The following DEFB4B variants were observed in gnomAD, a reference collection of about 807,000 sequenced individuals.
DEFB4B encodes beta-defensin 4B.
At chr8:7,416,311 C>A (rs1231517409) in intron 1 of DEFB4B, among the ~76,000 whole-genome samples, 2 of 151,714 alleles carry the variant, frequency 1.3e-5, no homozygotes, top group Non-Finnish European at 2.9e-5. Flanking sequence ...AAAATTTCTG[C>A]CTTTTATTTA....
intron 1 of DEFB4B, among the ~76,000 whole-genome samples, chr8:7,415,909 T>C (rs1319909987): frequency 6.8e-6 from 1 of 147,840 alleles, no homozygotes; most frequent in Non-Finnish European, 1.5e-5. Flanking sequence ...TTTCACAAGA[T>C]GATATCTATT....
At chr8:7,415,794 T>C (rs1211541302) in intron 1 of DEFB4B, among the ~76,000 whole-genome samples, 3 of 145,112 alleles carry the variant, frequency 2.1e-5, no homozygotes, top group Non-Finnish European at 4.5e-5. Context: ...CCTTCCTTCA[T>C]TATACTGTTC....
At chr8:7,416,310 G>A (rs1174581363) in intron 1 of DEFB4B, among the ~76,000 whole-genome samples, 1 of 151,670 alleles carries the variant, frequency 6.6e-6, no homozygotes, top group East Asian at 1.9e-4. Flanking sequence ...CAAAATTTCT[G>A]CCTTTTATTT....
intron 1 of DEFB4B, among the ~76,000 whole-genome samples, chr8:7,416,377 G>A (rs1808860928): frequency 6.6e-6 from 1 of 151,772 alleles, no homozygotes; most frequent in South Asian, 2.1e-4. Flanking sequence ...ATGGAAAGCA[G>A]TGAAGAGATG....
intron 1 of DEFB4B, among the ~76,000 whole-genome samples, chr8:7,416,557 A>G (rs1808875703): frequency 1.3e-5 from 2 of 150,562 alleles, no homozygotes; most frequent in Admixed American, 6.7e-5. Flanking sequence ...AAAGAAAGAC[A>G]TGCTCTAGGG....
chr8:7,416,592 AAAAG>A (rs1381636549), intron 1 of DEFB4B, among the ~76,000 whole-genome samples, 174 bp downstream of exon 1: 1 of 149,266 alleles, frequency 6.7e-6, no homozygotes, highest in African/African-American at 2.5e-5. Context: ...AAGACAGAAA[AAAAG>A]AGAGAGAGGG....
chr8:7,416,398 G>A (rs1447121164), intron 1 of DEFB4B, among the ~76,000 whole-genome samples: 1 of 151,800 alleles, frequency 6.6e-6, no homozygotes, highest in Non-Finnish European at 1.5e-5. Flanking sequence ...ATATTTACAA[G>A]CTACTGGGCT....
intron 1 of DEFB4B, among the ~76,000 whole-genome samples, 170 bp downstream of exon 1, chr8:7,416,600 G>T (rs1340507700): frequency 6.7e-6 from 1 of 148,728 alleles, no homozygotes; most frequent in Non-Finnish European, 1.5e-5. Context: ...AAAAAAGAGA[G>T]AGAGGGAAGA....
chr8:7,415,548 T>C (rs1808801729), intron 1 of DEFB4B, among the ~76,000 whole-genome samples: 1 of 151,678 alleles, frequency 6.6e-6, no homozygotes, highest in East Asian at 1.9e-4. Flanking sequence ...GATAAAAAGA[T>C]GCAACTTACT....
At chr8:7,415,536 G>A (rs1808800935) in intron 1 of DEFB4B, among the ~76,000 whole-genome samples, 1 of 151,396 alleles carries the variant, frequency 6.6e-6, no homozygotes, top group African/African-American at 2.4e-5. Context: ...GATCTGAGAT[G>A]GGATAAAAAG....
intron 1 of DEFB4B, among the ~76,000 whole-genome samples, chr8:7,416,277 A>G (rs1277427035): frequency 4.6e-5 from 7 of 151,704 alleles, no homozygotes; most frequent in African/African-American, 1.2e-4. Flanking sequence ...ATGACATTCT[A>G]TACTACTTTC....
chr8:7,415,709 C>CTCCCTCCCTCCCTCCT (rs1239174020), intron 1 of DEFB4B, among the ~76,000 whole-genome samples: 1 of 123,688 alleles, frequency 8.1e-6, no homozygotes, highest in Admixed American at 8.6e-5. Flanking sequence ...CCCTCCCTCC[C>CTCCCTCCCTCCCTCCT]TCCCTCCCTC....
intron 1 of DEFB4B, 101 bp downstream of exon 1, chr8:7,416,669 G>T (rs1480820928): frequency 2.6e-6 from 1 of 382,588 alleles, no homozygotes; most frequent in South Asian, 2.5e-5. Context: ...AGGAGAGAGA[G>T]GGATGAGGGA....
At chr8:7,416,665 G>T (rs1187819334) in intron 1 of DEFB4B, 105 bp downstream of exon 1, 1 of 372,422 alleles carries the variant, frequency 2.7e-6, no homozygotes, top group East Asian at 8.1e-5. Flanking sequence ...AGGAAGGAGA[G>T]AGAGGGATGA....
At chr8:7,415,712 C>CTTCT (rs1351533771) in intron 1 of DEFB4B, among the ~76,000 whole-genome samples, 82 of 126,894 alleles carry the variant, frequency 6.5e-4, no homozygotes, top group African/African-American at 2.4e-3. Context: ...TCCCTCCCTC[C>CTTCT]CTCCCTCCCT....
chr8:7,416,242 C>T (rs572468202), intron 1 of DEFB4B, among the ~76,000 whole-genome samples: 4 of 151,660 alleles, frequency 2.6e-5, no homozygotes, highest in South Asian at 2.1e-4. Flanking sequence ...GCAGTATCTA[C>T]CCTTTAAATA....
intron 1 of DEFB4B, among the ~76,000 whole-genome samples, chr8:7,415,473 A>G (rs1213332665): frequency 3.3e-5 from 5 of 151,148 alleles, no homozygotes; most frequent in African/African-American, 9.8e-5. Flanking sequence ...ATTTTAACAC[A>G]CACAAGCCAG....
At chr8:7,416,424 A>C (rs1808863920) in intron 1 of DEFB4B, among the ~76,000 whole-genome samples, 1 of 151,826 alleles carries the variant, frequency 6.6e-6, no homozygotes, top group Non-Finnish European at 1.5e-5. Context: ...ATATTGGCTT[A>C]GAAGAACGAG....
intron 1 of DEFB4B, among the ~76,000 whole-genome samples, chr8:7,415,378 G>T (rs959117694): frequency 6.6e-6 from 1 of 151,342 alleles, no homozygotes; most frequent in Non-Finnish European, 1.5e-5. Flanking sequence ...GGGGCCTCCA[G>T]GTGGGGTCTG....
Sources: gnomAD v4.1 joint callset for allele counts (sites outside exome capture counted in the v4.1 genomes callset) on GRCh38, gnomAD v4.1.1 for gene constraint, MANE v1.5 for transcripts, NCBI Gene and HGNC (gene_info 2026-07-23, HGNC 2026-07-21) for gene names.